Variants in THADA observed in about 807,000 individuals in gnomAD.
The protein encoded by THADA is tRNA (32-2'-O)-methyltransferase regulator THADA.
THADA carries 213 observed loss-of-function variants against 219.8 expected under a neutral mutation model. The ratio of observed to expected loss-of-function variants is 0.97; its 90% confidence interval spans 0.87 to 1.09. THADA has a LOEUF of 1.09. THADA is among the 50% of genes least tolerant of loss of function. The pLI is 0.00. For missense variants in THADA, 2,956 were observed against 2,311.3 expected (o/e 1.28, Z -5.72); for synonymous variants, 1,018 against 828.9 (o/e 1.23, Z -3.92).
Position 43,590,965 on chromosome 2 carries a change from A to C in THADA, c.172-11T>G, listed in dbSNP as rs964597809. 1.2e-6 allele frequency: 2 copies of C among 1,604,248 alleles called. No homozygotes were observed. The highest frequency in any genetic ancestry group is 2.7e-5 in the African/African-American group (2 of 74,322). ...CAGCAGAGGCACAATCTATAATACA[A>C]AACATTGAAGTAATTTTTATAATAT... On this transcript the variant is annotated splice_polypyrimidine_tract_variant and intron_variant, in intron 3 of 37. Coordinates refer to ENST00000405975, the MANE Select transcript of THADA (RefSeq NM_022065.5).
chr2:43,271,377 G>T (rs1341629742), intron 36 of THADA, among the ~76,000 whole-genome samples: 1 of 152,140 alleles, frequency 6.6e-6, no homozygotes, highest in African/African-American at 2.4e-5. Context: ...GCCATAATAA[G>T]AAAATGCTGT....
intron 27 of THADA, among the ~76,000 whole-genome samples, chr2:43,429,189 C>G (rs745339750): frequency 9.2e-5 from 14 of 151,942 alleles, no homozygotes; most frequent in South Asian, 4.2e-4. Flanking sequence ...CTCACTGCAA[C>G]CTCTGCCTCC....
intron 16 of THADA, among the ~76,000 whole-genome samples, chr2:43,559,807 C>G (rs1431706277): frequency 6.6e-6 from 1 of 152,240 alleles, no homozygotes; most frequent in Non-Finnish European, 1.5e-5. Flanking sequence ...GAAACATCCT[C>G]TCTACCTCAT....
chr2:43,369,038 T>C (rs933360842), intron 29 of THADA, among the ~76,000 whole-genome samples: 2 of 152,242 alleles, frequency 1.3e-5, no homozygotes, highest in African/African-American at 2.4e-5. Flanking sequence ...ACCTACTTGA[T>C]CTTCATAAGA....
chr2:43,243,349 G>A (rs2104076675), intron 36 of THADA, among the ~76,000 whole-genome samples: 1 of 152,316 alleles, frequency 6.6e-6, no homozygotes, highest in Middle Eastern at 3.4e-3. Flanking sequence ...CTGGCATTTA[G>A]TAGGTAGGGG....
chr2:43,263,949 C>A (rs1448542901), intron 36 of THADA, among the ~76,000 whole-genome samples: 2 of 152,102 alleles, frequency 1.3e-5, no homozygotes, highest in Non-Finnish European at 2.9e-5. Context: ...CCTGTCTCCC[C>A]AAATTTCCCC....
At chr2:43,291,793 A>AC in intron 33 of THADA, 25 bp from the exon 34 acceptor site, 1 of 1,530,814 alleles carries the variant, frequency 6.5e-7, no homozygotes, top group Non-Finnish European at 8.8e-7. Flanking sequence ...AAACAAAAAA[A>AC]CAACACAAAA....
chr2:43,556,348 TTAA>T lies in THADA; in HGVS notation c.2668_2670del (p.Leu890del). The T allele has an allele frequency of 6.2e-7, 1 of 1,613,716 alleles. No individual in the cohort carries two copies. Among genetic ancestry groups the T allele is most frequent in the Non-Finnish European group, 8.5e-7 (1 of 1,179,786 alleles). ...AAGAGCAAACATCAATACAAACCCA[TTAA>T]TGTGTTCCTTTCCACCACAGCAGCA... is the stretch of plus-strand genomic sequence containing the variant. On this transcript the variant is annotated inframe_deletion, in exon 17 of 38. Coordinates refer to ENST00000405975, the MANE Select transcript of THADA (RefSeq NM_022065.5).
At chr2:43,386,889 T>C (rs1310373448) in intron 29 of THADA, among the ~76,000 whole-genome samples, 2 of 140,672 alleles carry the variant, frequency 1.4e-5, no homozygotes, top group Non-Finnish European at 1.5e-5. Flanking sequence ...CAGAGTGAGA[T>C]TTCCTCTCAA....
At chr2:43,509,765 T>C (rs1690157977) in intron 22 of THADA, among the ~76,000 whole-genome samples, 1 of 152,222 alleles carries the variant, frequency 6.6e-6, no homozygotes, top group African/African-American at 2.4e-5. Context: ...TAAATAAGAC[T>C]ACTTTAAAGG....
intron 36 of THADA, among the ~76,000 whole-genome samples, chr2:43,251,196 C>A (rs1485145949): frequency 6.6e-6 from 1 of 152,120 alleles, no homozygotes; most frequent in African/African-American, 2.4e-5. Context: ...CTGTGAAACA[C>A]AGTTTTATGC....
chr2:43,511,726 G>A (rs888143209), intron 22 of THADA, among the ~76,000 whole-genome samples: 5 of 152,126 alleles, frequency 3.3e-5, no homozygotes, highest in Non-Finnish European at 7.3e-5. Flanking sequence ...CCAAACTGAT[G>A]AAACTTCCTC....
chr2:43,538,920 G>T (rs1474104049), intron 21 of THADA, among the ~76,000 whole-genome samples: 1 of 152,090 alleles, frequency 6.6e-6, no homozygotes, highest in East Asian at 1.9e-4. Context: ...TCCTATATGG[G>T]GGATTTAAGT....
intron 26 of THADA, among the ~76,000 whole-genome samples, chr2:43,438,179 G>A (rs956030036): frequency 6.6e-6 from 1 of 151,464 alleles, no homozygotes; most frequent in Non-Finnish European, 1.5e-5. Flanking sequence ...GCGGGCGCCT[G>A]TAGTCCCAGC....
rs114775581 is a variant in THADA at position 43,288,484 on chromosome 2, A to G, written c.5011-1423T>C. ...CAAAGCAGTGTTGTTTTTATTTTTT[A>G]GAAAACTAGATTCTCAGTTTATTAC... On this transcript the variant is annotated intron_variant, in intron 34 of 37. Transcript: ENST00000405975. 7.2e-3 allele frequency among the ~76,000 whole-genome samples: 1,090 copies of G among 152,362 alleles called. 12 individuals carry two copies. Among genetic ancestry groups the G allele is most frequent in the African/African-American group, 0.025 (1,025 of 41,578 alleles).
intron 33 of THADA, 49 bp downstream of exon 33, chr2:43,292,055 T>TG (rs1159492878): frequency 1.1e-5 from 14 of 1,258,022 alleles, no homozygotes; most frequent in Non-Finnish European, 1.6e-5. Flanking sequence ...TAATGACTGA[T>TG]GGGACCATAC....
intron 28 of THADA, among the ~76,000 whole-genome samples, chr2:43,402,715 C>T (rs1235103305): frequency 2.0e-5 from 3 of 152,206 alleles, no homozygotes; most frequent in Non-Finnish European, 4.4e-5. Flanking sequence ...AAGCAACCTA[C>T]AGTCTAGTGT....
rs749318195 is a variant in THADA, at chr2:43,551,861, G to T, written c.2875C>A (p.Leu959Ile). ...VEKLLLMSYR[L>I]STVVSPVIQS... The stretch of plus-strand genomic sequence containing the variant: ...ATGACTGGAGACACCACAGTGGAAA[G>T]CCTGTAGGACATCAAAAGGAGCTTC... The change falls in exon 19 of 38, where the codon CTT (leucine) becomes ATT (isoleucine). Residue 959 changes from leucine to isoleucine, a missense_variant. By Grantham distance (5) the Leu-to-Ile change is conservative. Transcript: ENST00000405975. 3 of 1,613,894 alleles carry T rather than the reference G, an allele frequency of 1.9e-6. No individual in the cohort carries two copies. The highest frequency in any genetic ancestry group is 3.3e-5 in the Admixed American group (2 of 59,976).
chr2:43,285,304 T>C (rs927280966), intron 35 of THADA, among the ~76,000 whole-genome samples: 26 of 152,132 alleles, frequency 1.7e-4, no homozygotes, highest in African/African-American at 5.1e-4. Flanking sequence ...TGGGAGGTGA[T>C]TGGATCATGT....
Sources: gnomAD v4.1 joint callset for allele counts (sites outside exome capture counted in the v4.1 genomes callset) on GRCh38, gnomAD v4.1.1 for gene constraint, MANE v1.5 for transcripts, NCBI Gene and HGNC (gene_info 2026-07-23, HGNC 2026-07-21) for gene names.